The following STK38L variants were observed in gnomAD, a reference collection of about 807,000 sequenced individuals.
STK38L encodes the protein serine/threonine-protein kinase 38-like.
STK38L carries 28 observed loss-of-function variants against 59.7 expected under a neutral mutation model. That is an observed-to-expected ratio of 0.47 (90% CI 0.35 to 0.64). The LOEUF (loss-of-function observed/expected upper bound fraction) is 0.64. Ranked by LOEUF, STK38L falls within the 30% of genes least tolerant of loss-of-function variation. The pLI, the probability that STK38L is intolerant of heterozygous loss-of-function variation, is 0.01. For missense variants in STK38L, 314 were observed against 555.8 expected (o/e 0.56, Z 4.37); for synonymous variants, 162 against 176.8 (o/e 0.92, Z 0.66).
At chr12:27,302,045 G>T in intron 2 of STK38L, 92 bp from the exon 3 acceptor site, 1 of 912,028 alleles carries the variant, frequency 1.1e-6, no homozygotes, top group Non-Finnish European at 1.6e-6. Flanking sequence ...CTAGCAAGCT[G>T]AAGTGGTTAA....
chr12:27,299,922 A>G (rs1371972314), intron 2 of STK38L, among the ~76,000 whole-genome samples: 1 of 152,222 alleles, frequency 6.6e-6, no homozygotes, highest in Non-Finnish European at 1.5e-5. Context: ...CAATAATTAA[A>G]TGAATTACAA....
Position 27,325,612 on chromosome 12 carries a change from G to A in STK38L, c.*3157G>A, listed in dbSNP as rs1327596445. On this transcript the variant is annotated 3_prime_UTR_variant, in exon 14 of 14. Coordinates refer to ENST00000389032, the MANE Select transcript of STK38L (RefSeq NM_015000.4). ...TACAACCCATGATTATTTTCCTGTT[G>A]TGTTTATTTAAATTTACTTTCTCTT... 6.6e-6 allele frequency: 1 copy of A among 152,062 alleles called. No homozygotes were observed. Among genetic ancestry groups the A allele is most frequent in the African/African-American group, 2.4e-5 (1 of 41,414 alleles). 9.4% of individuals were successfully genotyped at this position (152,062 alleles called of 1,614,324 possible).
intron 1 of STK38L, among the ~76,000 whole-genome samples, chr12:27,278,569 G>GCTAGTA (rs1253431908): frequency 6.6e-6 from 1 of 152,096 alleles, no homozygotes; most frequent in East Asian, 1.9e-4. Context: ...CTTACCTAAA[G>GCTAGTA]CCGATGAAAC....
At chr12:27,272,243 A>G (rs1279224183) in intron 1 of STK38L, among the ~76,000 whole-genome samples, 1 of 152,224 alleles carries the variant, frequency 6.6e-6, no homozygotes, top group Non-Finnish European at 1.5e-5. Flanking sequence ...AGCAAAAAGA[A>G]TGAGACATTA....
chr12:27,250,498 G>A (rs1186439080), intron 1 of STK38L, among the ~76,000 whole-genome samples: 3 of 152,098 alleles, frequency 2.0e-5, no homozygotes, highest in Non-Finnish European at 2.9e-5. Context: ...TAGGGCACAG[G>A]TCTGATAATT....
At chr12:27,290,327 A>G (rs545418063) in intron 1 of STK38L, among the ~76,000 whole-genome samples, 1 of 152,320 alleles carries the variant, frequency 6.6e-6, no homozygotes, top group South Asian at 2.1e-4. Context: ...GACCCAGGCA[A>G]TCTGGCCTTT....
chr12:27,279,188 A>G (rs1427042141), intron 1 of STK38L, among the ~76,000 whole-genome samples: 1 of 152,202 alleles, frequency 6.6e-6, no homozygotes, highest in East Asian at 1.9e-4. Context: ...TATTAAATGC[A>G]CTTTCGACTT....
chr12:27,296,643 G>T lies in STK38L; in HGVS notation c.-11-1067G>T, dbSNP rs76377718. On this transcript the variant is annotated intron_variant, in intron 1 of 13. Coordinates refer to ENST00000389032, the MANE Select transcript of STK38L (RefSeq NM_015000.4). ...TTTTCAACTAAGAATGCTTTGGATGGTCACTCTTGGCAAGCTGGATCTTCT... is the reference window on the plus strand; with the variant it reads ...TTTTCAACTAAGAATGCTTTGGATGTTCACTCTTGGCAAGCTGGATCTTCT... 1.9e-4 allele frequency among the ~76,000 whole-genome samples: 29 copies of T among 152,306 alleles called. No individual in the cohort carries two copies. The East Asian group carries it at 5.4e-3, about 28-fold the overall frequency.
Position 27,301,851 on chromosome 12 carries a change from G to GT in STK38L, c.135-282dup, listed in dbSNP as rs1410623152. 3.9e-5 allele frequency among the ~76,000 whole-genome samples: 6 copies of GT among 152,252 alleles called. No homozygotes were observed. In the East Asian group the frequency reaches 1.2e-3, roughly 29 times the overall value. The stretch of plus-strand genomic sequence containing the variant: ...GGTAGATTGAACATTAAGTAGCAGA[G>GT]TTTTCCATATTAGAACATCAGTCAT... On this transcript the variant is annotated intron_variant, in intron 2 of 13. Transcript: ENST00000389032.
At chr12:27,310,808 T>C (rs1014134107) in intron 5 of STK38L, among the ~76,000 whole-genome samples, 3 of 151,904 alleles carry the variant, frequency 2.0e-5, no homozygotes, top group Non-Finnish European at 2.9e-5. Context: ...TGTGGGGAGG[T>C]GGGGGGCGGA....
chr12:27,301,550 G>A (rs1304079248), intron 2 of STK38L, among the ~76,000 whole-genome samples: 2 of 152,236 alleles, frequency 1.3e-5, no homozygotes, highest in Non-Finnish European at 2.9e-5. Flanking sequence ...GTGAGCCACC[G>A]CACCCGGCCG....
intron 1 of STK38L, among the ~76,000 whole-genome samples, chr12:27,286,255 T>C (rs1157567033): frequency 1.3e-5 from 2 of 152,188 alleles, no homozygotes; most frequent in African/African-American, 4.8e-5. Flanking sequence ...CCTTTACCCC[T>C]GCCCCCAAAC....
intron 11 of STK38L, 74 bp from the exon 12 acceptor site, chr12:27,319,254 A>C: frequency 1.1e-6 from 1 of 872,340 alleles, no homozygotes; most frequent in Middle Eastern, 3.3e-4. Flanking sequence ...TAAAAAAGAA[A>C]TATTTGAAGT....
At chr12:27,319,009 A>T (rs925570705) in intron 11 of STK38L, among the ~76,000 whole-genome samples, 6 of 152,160 alleles carry the variant, frequency 3.9e-5, no homozygotes, top group African/African-American at 7.2e-5. Context: ...ACGAAAAAAA[A>T]ATTTATTGAA....
At chr12:27,287,886 G>A (rs1943808915) in intron 1 of STK38L, among the ~76,000 whole-genome samples, 2 of 152,088 alleles carry the variant, frequency 1.3e-5, no homozygotes, top group Non-Finnish European at 2.9e-5. Context: ...ATCAAGGTTT[G>A]GTTTGGTTTT....
At chr12:27,272,578 A>G (rs1235812823) in intron 1 of STK38L, among the ~76,000 whole-genome samples, 1 of 152,208 alleles carries the variant, frequency 6.6e-6, no homozygotes, top group East Asian at 1.9e-4. Context: ...AGGGAAGTCC[A>G]GACTTCTGCC....
chr12:27,294,012 A>G (rs182374789), intron 1 of STK38L, among the ~76,000 whole-genome samples: 28 of 152,276 alleles, frequency 1.8e-4, no homozygotes, highest in African/African-American at 6.3e-4. Context: ...TCATTCTACA[A>G]TCGTAGGGTG....
intron 1 of STK38L, among the ~76,000 whole-genome samples, chr12:27,258,618 C>T (rs1239759942): frequency 2.0e-5 from 3 of 152,228 alleles, no homozygotes; most frequent in African/African-American, 7.2e-5. Context: ...CGTGAGCCCC[C>T]GTGCCTGGCC....
chr12:27,246,670 C>T (rs925298365), intron 1 of STK38L, among the ~76,000 whole-genome samples: 4 of 152,156 alleles, frequency 2.6e-5, no homozygotes, highest in Non-Finnish European at 5.9e-5. Flanking sequence ...AAACATGAAG[C>T]ATATCCTCCT....
Sources: allele counts gnomAD v4.1 joint callset (sites outside exome capture counted in the v4.1 genomes callset), GRCh38; gene constraint gnomAD v4.1.1; transcripts MANE v1.5; gene names NCBI Gene and HGNC (gene_info 2026-07-23, HGNC 2026-07-21).